The following HIPK2 variants were observed in gnomAD, a reference collection of about 807,000 sequenced individuals.
The protein encoded by HIPK2 is homeodomain interacting protein kinase 2.
In HIPK2, 27 loss-of-function variants were observed where a neutral mutation model predicts 113.7. That is an observed-to-expected ratio of 0.24 (90% confidence interval 0.17 to 0.33). HIPK2 has a LOEUF of 0.33. HIPK2 is among the 10% of genes least tolerant of loss of function. The pLI is 1.00. For missense variants in HIPK2, 1,257 were observed against 1,588.0 expected, an observed-to-expected ratio of 0.79 and a Z score of 3.54; for synonymous variants, 631 against 642.2, an observed-to-expected ratio of 0.98 and a Z score of 0.26.
rs1283263625 is a variant in HIPK2, at chr7:139,571,192, A to C, written c.*1735T>G. The C allele has an allele frequency of 6.6e-6, 1 of 152,276 alleles. No individual in the cohort carries two copies. The highest frequency in any genetic ancestry group is 1.5e-5 in the Non-Finnish European group (1 of 68,092). 9.4% of individuals were successfully genotyped at this position (152,276 alleles called of 1,614,324 possible). On this transcript the variant is annotated 3_prime_UTR_variant, in exon 15 of 15. Transcript: ENST00000406875. Reference sequence around the variant, plus strand: ...ATGTGAGGAGAGAATTCAACAGCAAACAGAGGTTGGTGGTTGTCTACAGAG... The same window carrying C: ...ATGTGAGGAGAGAATTCAACAGCAACCAGAGGTTGGTGGTTGTCTACAGAG...
intron 2 of HIPK2, among the ~76,000 whole-genome samples, chr7:139,637,420 T>C (rs1039082277): frequency 2.0e-5 from 3 of 152,200 alleles, no homozygotes; most frequent in African/African-American, 4.8e-5. Context: ...TCCTTTCCAT[T>C]TGCAAGAGTA....
At chr7:139,583,165 A>G (rs1798724392) in intron 13 of HIPK2, among the ~76,000 whole-genome samples, 1 of 152,372 alleles carries the variant, frequency 6.6e-6, no homozygotes, top group East Asian at 1.9e-4. Flanking sequence ...AGCATGAGCA[A>G]GGGAAACGCT....
At chr7:139,653,592 C>T (rs972740390) in intron 2 of HIPK2, among the ~76,000 whole-genome samples, 2 of 151,838 alleles carry the variant, frequency 1.3e-5, no homozygotes, top group Non-Finnish European at 2.9e-5. Flanking sequence ...CCTCAAGAAG[C>T]ACAGCCTGGG....
At chr7:139,671,768 TC>T (rs749556337) in intron 2 of HIPK2, among the ~76,000 whole-genome samples, 7 of 152,168 alleles carry the variant, frequency 4.6e-5, no homozygotes, top group Admixed American at 4.6e-4. Flanking sequence ...GCCAGGCTGG[TC>T]TCGAACGACC....
rs575797998 is a variant in HIPK2 at position 139,684,978 on chromosome 7, G to A, written c.1103+30954C>T. 7.2e-5 allele frequency among the ~76,000 whole-genome samples: 11 copies of A among 152,272 alleles called. No homozygotes were observed. The South Asian group carries it at 2.3e-3, about 32-fold the overall frequency. ...TCCCTAACTCTTCAATTCTGTGGAA[G>A]CTAAGAGAGGTGAGGAAATTGTAGA... On this transcript the variant is annotated intron_variant, in intron 2 of 14. Coordinates refer to ENST00000406875, the MANE Select transcript of HIPK2 (RefSeq NM_022740.5).
chr7:139,708,899 T>C (rs1794985438), intron 2 of HIPK2, among the ~76,000 whole-genome samples: 1 of 152,130 alleles, frequency 6.6e-6, no homozygotes, highest in South Asian at 2.1e-4. Context: ...CCTGAGTCTG[T>C]GTGTGTGCAT....
chr7:139,689,979 G>T (rs1223378577), intron 2 of HIPK2, among the ~76,000 whole-genome samples: 3 of 151,404 alleles, frequency 2.0e-5, no homozygotes, highest in Non-Finnish European at 4.4e-5. Context: ...CACGCAGGGT[G>T]CCGGGCACCT....
At chr7:139,766,278 A>G (rs1796551822) in intron 1 of HIPK2, among the ~76,000 whole-genome samples, 1 of 152,224 alleles carries the variant, frequency 6.6e-6, no homozygotes, top group Admixed American at 6.5e-5. Context: ...GGCAATAGCA[A>G]GTGTGCGGTA....
At chr7:139,593,183 C>T (rs1374301233) in intron 12 of HIPK2, among the ~76,000 whole-genome samples, 1 of 152,250 alleles carries the variant, frequency 6.6e-6, no homozygotes, top group Non-Finnish European at 1.5e-5. Context: ...AAGAGCATGG[C>T]ACCTGAGTCC....
At chr7:139,676,089 G>A (rs956653379) in intron 2 of HIPK2, among the ~76,000 whole-genome samples, 4 of 152,170 alleles carry the variant, frequency 2.6e-5, no homozygotes, top group South Asian at 2.1e-4. Flanking sequence ...TTTTTGTTCT[G>A]TGCCTCTATG....
At chr7:139,638,544 T>C (rs1800889194) in intron 2 of HIPK2, among the ~76,000 whole-genome samples, 1 of 152,100 alleles carries the variant, frequency 6.6e-6, no homozygotes, top group South Asian at 2.1e-4. Context: ...TAAACATATA[T>C]ATGAAGTGTC....
At chr7:139,773,711 A>C (rs1396237709) in intron 1 of HIPK2, among the ~76,000 whole-genome samples, 1 of 152,218 alleles carries the variant, frequency 6.6e-6, no homozygotes, top group African/African-American at 2.4e-5. Flanking sequence ...CTTTTGTAGG[A>C]AAATGATGTT....
chr7:139,714,977 G>A lies in HIPK2; in HGVS notation c.1103+955C>T, dbSNP rs987982059. Among the ~76,000 whole-genome samples, 7 of 152,204 alleles carry A rather than the reference G, an allele frequency of 4.6e-5. No homozygotes were observed. The highest frequency in any genetic ancestry group is 1.7e-4 in the African/African-American group (7 of 41,454). On this transcript the variant is annotated intron_variant, in intron 2 of 14. Transcript: ENST00000406875. The surrounding 1 kb of genome is among the most constrained non-coding windows in gnomAD (Gnocchi z 4.2). ...TTCATGGGTTAGGAAATGAAGGCAT[G>A]GAGAAATCAGGCCATTAGGAGAGGA...
At chr7:139,598,181 G>T (rs372795882) in intron 11 of HIPK2, among the ~76,000 whole-genome samples, 9 of 152,182 alleles carry the variant, frequency 5.9e-5, no homozygotes, top group African/African-American at 1.9e-4. Flanking sequence ...CTGGATTAGG[G>T]ATGCTCAACC....
At chr7:139,754,166 T>C (rs1796327287) in intron 1 of HIPK2, among the ~76,000 whole-genome samples, 1 of 152,192 alleles carries the variant, frequency 6.6e-6, no homozygotes, top group Non-Finnish European at 1.5e-5. Context: ...TAAACAGGCC[T>C]GAATGGGAGG....
intron 2 of HIPK2, among the ~76,000 whole-genome samples, chr7:139,678,680 A>T (rs912560529): frequency 1.3e-5 from 2 of 151,876 alleles, no homozygotes; most frequent in Admixed American, 1.3e-4. Flanking sequence ...GTTCCATATG[A>T]AATTTAATTC....
intron 13 of HIPK2, among the ~76,000 whole-genome samples, chr7:139,576,155 A>G (rs1389413904): frequency 2.0e-5 from 3 of 152,248 alleles, no homozygotes; most frequent in East Asian, 3.9e-4. Flanking sequence ...CACCTGGTCC[A>G]GTTACCTGCC....
chr7:139,693,686 G>A (rs2116800756), intron 2 of HIPK2, among the ~76,000 whole-genome samples: 1 of 151,464 alleles, frequency 6.6e-6, no homozygotes, highest in South Asian at 2.1e-4. Context: ...GAAGGTATGG[G>A]ATGCTATGAT....
chr7:139,615,680 G>A (rs1227925045), intron 7 of HIPK2, among the ~76,000 whole-genome samples: 1 of 152,214 alleles, frequency 6.6e-6, no homozygotes, highest in Non-Finnish European at 1.5e-5. Flanking sequence ...AAGAAACCAC[G>A]AAGATATCTT....
Sources: gnomAD v4.1 joint callset for allele counts (sites outside exome capture counted in the v4.1 genomes callset) on GRCh38, gnomAD v4.1.1 for gene constraint, Gnocchi (gnomAD v3.1) non-coding constraint, MANE v1.5 for transcripts, NCBI Gene and HGNC (gene_info 2026-07-23, HGNC 2026-07-21) for gene names.